The following CNTNAP2 variants were observed in gnomAD, a reference collection of about 807,000 sequenced individuals.
The protein encoded by CNTNAP2 is contactin associated protein 2.
Under a neutral mutation model 155.2 loss-of-function variants are expected in CNTNAP2, and 98 were observed. The observed-to-expected ratio is 0.63, with a 90% CI of 0.54 to 0.75. The LOEUF (loss-of-function observed/expected upper bound fraction) is 0.75. CNTNAP2 is among the 30% of genes least tolerant of loss of function. The pLI, the probability that CNTNAP2 is intolerant of heterozygous loss-of-function variation, is 0.00. For synonymous variants in CNTNAP2, 651 were observed against 631.2 expected (o/e 1.03, Z -0.47); for missense variants, 1,727 against 1,688.1 (o/e 1.02, Z -0.40).
chr7:146,935,678 AT>A (rs1483684950), intron 3 of CNTNAP2, among the ~76,000 whole-genome samples: 1 of 152,204 alleles, frequency 6.6e-6, no homozygotes, highest in Non-Finnish European at 1.5e-5. Flanking sequence ...AAATAATCGA[AT>A]TGCTTTAGAT....
chr7:146,484,241 A>T (rs1395766621), intron 1 of CNTNAP2, among the ~76,000 whole-genome samples: 2 of 152,206 alleles, frequency 1.3e-5, no homozygotes. Flanking sequence ...ATGCTATATG[A>T]TGTTCACATA....
intron 16 of CNTNAP2, among the ~76,000 whole-genome samples, chr7:148,122,078 T>A (rs1804608148): frequency 6.6e-6 from 1 of 152,162 alleles, no homozygotes; most frequent in Non-Finnish European, 1.5e-5. Context: ...TTCCAGGCGT[T>A]TTACGTGAAT....
At chr7:146,126,928 T>G (rs956200882) in intron 1 of CNTNAP2, among the ~76,000 whole-genome samples, 7 of 152,198 alleles carry the variant, frequency 4.6e-5, no homozygotes, top group Admixed American at 3.9e-4. Flanking sequence ...GGCATTAATT[T>G]AGTAGCCTCC....
chr7:147,299,181 T>C (rs1363324209), intron 8 of CNTNAP2, among the ~76,000 whole-genome samples: 5 of 150,554 alleles, frequency 3.3e-5, no homozygotes, highest in Admixed American at 1.3e-4. Context: ...AGAAAGCCCC[T>C]CTGGCCCTCT....
chr7:146,778,486 T>C (rs1802428147), intron 2 of CNTNAP2, among the ~76,000 whole-genome samples: 1 of 152,190 alleles, frequency 6.6e-6, no homozygotes, highest in African/African-American at 2.4e-5. Context: ...GCTGTTGTTT[T>C]CTTATCAACA....
At chr7:146,828,874 A>G (rs1803457644) in intron 2 of CNTNAP2, among the ~76,000 whole-genome samples, 1 of 152,068 alleles carries the variant, frequency 6.6e-6, no homozygotes, top group Admixed American at 6.6e-5. Context: ...GTTTGTTTTT[A>G]CACTCTGGCT....
At chr7:146,678,082 G>C (rs1800434749) in intron 1 of CNTNAP2, among the ~76,000 whole-genome samples, 1 of 151,974 alleles carries the variant, frequency 6.6e-6, no homozygotes, top group African/African-American at 2.4e-5. Context: ...TTTAGTTTGA[G>C]CTGGAGACTT....
In CNTNAP2 at chr7:147,211,157, A is replaced by C. The variant is rs1345829335; in HGVS notation, c.1348+78648A>C. On this transcript the variant is annotated intron_variant, in intron 8 of 23. Transcript: ENST00000361727. ...ATGTGTCTACTAGGTCCAATTAGTC[A>C]AATGTCAAATTTAAGTCTAGAATTT... Among the ~76,000 whole-genome samples, 3 of 152,086 alleles carry C rather than the reference A, an allele frequency of 2.0e-5. No individual in the cohort carries two copies. The East Asian group carries it at 5.8e-4, about 29-fold the overall frequency.
intron 13 of CNTNAP2, among the ~76,000 whole-genome samples, chr7:147,780,871 G>A (rs1310453495): frequency 6.6e-6 from 1 of 152,206 alleles, no homozygotes; most frequent in African/African-American, 2.4e-5. Flanking sequence ...GCCAGGAAGG[G>A]AGAATACCAT....
chr7:148,137,397 C>A (rs560005081), intron 16 of CNTNAP2, among the ~76,000 whole-genome samples: 1 of 152,166 alleles, frequency 6.6e-6, no homozygotes, highest in Admixed American at 6.5e-5. Context: ...CAGTGGCTCA[C>A]GCCTGTAATC....
chr7:147,264,822 C>G (rs1804570710), intron 8 of CNTNAP2, among the ~76,000 whole-genome samples: 1 of 152,008 alleles, frequency 6.6e-6, no homozygotes, highest in Non-Finnish European at 1.5e-5. Flanking sequence ...GCTTAATTTA[C>G]TGTTTTCCTA....
At chr7:148,068,293 C>G (rs529151954) in intron 15 of CNTNAP2, among the ~76,000 whole-genome samples, 1 of 152,186 alleles carries the variant, frequency 6.6e-6, no homozygotes, top group Admixed American at 6.5e-5. Flanking sequence ...TCCCCAAGAA[C>G]CTCTATGAGG....
intron 1 of CNTNAP2, among the ~76,000 whole-genome samples, chr7:146,441,851 C>T (rs961309366): frequency 6.6e-6 from 1 of 151,636 alleles, no homozygotes; most frequent in African/African-American, 2.4e-5. Context: ...CAAGAAGTCT[C>T]ATGGAAGAAA....
rs182628720 is a variant in CNTNAP2, at chr7:146,725,556, A to G, written c.98-48715A>G. On this transcript the variant is annotated intron_variant, in intron 1 of 23. Transcript: ENST00000361727. ...ACTTAAATTCTGCTACGGTGTAGAC[A>G]TAAAGGATTACCCACCATTATTTCA... Among the ~76,000 whole-genome samples, 17 of 152,332 alleles carry G rather than the reference A, an allele frequency of 1.1e-4. No individual in the cohort carries two copies. The East Asian group carries it at 3.3e-3, about 29-fold the overall frequency.
chr7:146,378,958 A>C (rs568510893), intron 1 of CNTNAP2, among the ~76,000 whole-genome samples: 1 of 152,366 alleles, frequency 6.6e-6, no homozygotes, highest in Admixed American at 6.5e-5. Context: ...TCAATAACTC[A>C]AGAATTACTG....
intron 2 of CNTNAP2, among the ~76,000 whole-genome samples, chr7:146,818,516 CT>C (rs1192943382): frequency 6.6e-6 from 1 of 151,602 alleles, no homozygotes; most frequent in Non-Finnish European, 1.5e-5. Context: ...CTTTAGGGGT[CT>C]TTTGTTTTAA....
intron 1 of CNTNAP2, among the ~76,000 whole-genome samples, chr7:146,455,319 T>G: frequency 6.6e-6 from 1 of 152,226 alleles, no homozygotes; most frequent in East Asian, 1.9e-4. Context: ...AAAGTCATTT[T>G]AATCCTGCAT....
At position 146,186,364 on chromosome 7, in the gene CNTNAP2, T is replaced by A. The variant is rs183106034; in HGVS notation, c.97+69391T>A. Among the ~76,000 whole-genome samples, 3 of 152,308 alleles carry A rather than the reference T, an allele frequency of 2.0e-5. No homozygotes were observed. In the East Asian group the frequency reaches 5.8e-4, roughly 29 times the overall value. On this transcript the variant is annotated intron_variant, in intron 1 of 23. Coordinates refer to ENST00000361727, the MANE Select transcript of CNTNAP2 (RefSeq NM_014141.6). ...TGTCTTCTTTCATGCTGTACATATC[T>A]TTCTTACTGTACACTTTCCCTCAAG...
At chr7:147,810,448 C>A (rs1331996832) in intron 13 of CNTNAP2, among the ~76,000 whole-genome samples, 3 of 151,710 alleles carry the variant, frequency 2.0e-5, no homozygotes. Context: ...ATGTTGAGGA[C>A]AAAATTATTA....
Sources: gnomAD v4.1 joint callset for allele counts (sites outside exome capture counted in the v4.1 genomes callset) on GRCh38, gnomAD v4.1.1 for gene constraint, MANE v1.5 for transcripts, NCBI Gene and HGNC (gene_info 2026-07-23, HGNC 2026-07-21) for gene names.